The following NAE1 variants were observed in gnomAD, a reference collection of about 807,000 sequenced individuals.
NAE1 encodes NEDD8 activating enzyme E1 subunit 1.
A neutral mutation model predicts 88.0 loss-of-function variants in NAE1; 59 were observed. That is an observed-to-expected ratio of 0.67 (90% CI 0.54 to 0.83). The LOEUF (loss-of-function observed/expected upper bound fraction) is 0.83, where lower values mean the gene tolerates loss of function less well. Ranked by LOEUF, NAE1 falls within the 40% of genes least tolerant of loss-of-function variation. The pLI is 0.00. For synonymous variants in NAE1, 186 were observed against 208.9 expected, an observed-to-expected ratio of 0.89 and a Z score of 0.95; for missense variants, 554 against 632.8, an observed-to-expected ratio of 0.88 and a Z score of 1.34.
At chr16:66,805,484 G>A (rs1335410695) in intron 19 of NAE1, 2 of 309,734 alleles carry the variant, frequency 6.5e-6, no homozygotes, top group Non-Finnish European at 1.2e-5. Context: ...ACAAAAAATT[G>A]AAAAATTAGC....
At chr16:66,827,852 TTTTTTG>T (rs1239641019) in intron 1 of NAE1, 20 of 736,758 alleles carry the variant, frequency 2.7e-5, no homozygotes, top group Admixed American at 5.2e-5. Context: ...AACTGCCTTG[TTTTTTG>T]TTTTTGTTTT....
chr16:66,816,523 G>T, intron 11 of NAE1, 58 bp downstream of exon 11: 1 of 1,202,836 alleles, frequency 8.3e-7, no homozygotes, highest in Non-Finnish European at 1.2e-6. Context: ...CCATTTAATA[G>T]CCAAGGACTC....
chr16:66,805,006 G>A (rs1959507640), intron 19 of NAE1, among the ~76,000 whole-genome samples: 1 of 152,196 alleles, frequency 6.6e-6, no homozygotes, highest in South Asian at 2.1e-4. Context: ...CAAGGGGGAA[G>A]TAGAGTGAGG....
At position 66,828,363 on chromosome 16, in the gene NAE1, C is replaced by T. The variant is rs575184905; in HGVS notation, c.54-1583G>A. Among the ~76,000 whole-genome samples, 11 of 152,036 alleles carry T rather than the reference C, an allele frequency of 7.2e-5. No individual in the cohort carries two copies. The South Asian group carries it at 2.3e-3, about 32-fold the overall frequency. Reference sequence around the variant, plus strand: ...AAAATTAACCAGGCACAGTGGCACGCACCTATAATCCCAGCTACTAGGGAG... The same window carrying T: ...AAAATTAACCAGGCACAGTGGCACGTACCTATAATCCCAGCTACTAGGGAG... On this transcript the variant is annotated intron_variant, in intron 1 of 19. Transcript: ENST00000290810.
In NAE1 at chr16:66,821,565, T is replaced by TAAA; in HGVS notation, c.402-9_402-7dup. ...CTGCTAAGCGTAGTGAAGTGCTGTT[T>TAAA]AAAAAAAAAAAGCAAAATATGAACA... On this transcript the variant is annotated splice_region_variant and splice_polypyrimidine_tract_variant and intron_variant, in intron 6 of 19. Transcript: ENST00000290810. 1.6e-6 allele frequency: 2 copies of TAAA among 1,254,020 alleles called. No individual in the cohort carries two copies. The highest frequency in any genetic ancestry group is 2.1e-6 in the Non-Finnish European group (2 of 933,342). 77.7% of individuals were successfully genotyped at this position (1,254,020 alleles called of 1,614,324 possible). A position where few individuals can be genotyped will look rare whatever the true frequency, so the allele number is the denominator to read the frequency against.
At chr16:66,808,315 CT>C (rs1218018740) in intron 17 of NAE1, among the ~76,000 whole-genome samples, 1 of 152,160 alleles carries the variant, frequency 6.6e-6, no homozygotes, top group East Asian at 1.9e-4. Context: ...CAACATCCCC[CT>C]GTAATAGTTT....
chr16:66,809,193 A>G, intron 15 of NAE1, 118 bp from the exon 16 acceptor site: 1 of 640,100 alleles, frequency 1.6e-6, no homozygotes. Context: ...GAGAATGTGA[A>G]GAAATGTTTT....
intron 1 of NAE1, among the ~76,000 whole-genome samples, chr16:66,828,918 TGA>T (rs1960580129): frequency 1.3e-5 from 2 of 149,816 alleles, no homozygotes; most frequent in African/African-American, 4.9e-5. Flanking sequence ...GAGGCTGCAG[TGA>T]GCAGTGTTCT....
chr16:66,804,998 AG>A (rs1567485707), intron 19 of NAE1, among the ~76,000 whole-genome samples: 1 of 152,214 alleles, frequency 6.6e-6, no homozygotes, highest in Non-Finnish European at 1.5e-5. Context: ...GACTAAGACA[AG>A]GGGGAAGTAG....
Position 66,817,474 on chromosome 16 carries a change from G to C in NAE1, c.635C>G (p.Thr212Ser). Reference protein sequence around the residue: ...DHMEKKDHSHTPWIVIIAKYL... With the variant: ...DHMEKKDHSHSPWIVIIAKYL... ...TTTAGCTATGATCACAATCCATGGAGTATGACTGTGGTCCTAAAAATGAGA... is the reference window on the plus strand; with the variant it reads ...TTTAGCTATGATCACAATCCATGGACTATGACTGTGGTCCTAAAAATGAGA... Residue 212 changes from threonine (T) to serine (S), a missense_variant, in exon 9 of 20, where the codon ACT becomes AGT. Coordinates refer to ENST00000290810, the MANE Select transcript of NAE1 (RefSeq NM_003905.4). The C allele has an allele frequency of 1.9e-6, 3 of 1,583,980 alleles. No individual in the cohort carries two copies. The highest frequency in any genetic ancestry group is 2.6e-6 in the Non-Finnish European group (3 of 1,166,590).
chr16:66,814,592 CAA>C (rs34053542), intron 11 of NAE1, among the ~76,000 whole-genome samples: 14 of 113,228 alleles, frequency 1.2e-4, no homozygotes, highest in Admixed American at 1.9e-4. Context: ...GACCCTGTCT[CAA>C]AAAAAAAAAA....
intron 6 of NAE1, among the ~76,000 whole-genome samples, chr16:66,822,883 T>C (rs1423017483): frequency 1.3e-5 from 2 of 149,974 alleles, no homozygotes; most frequent in East Asian, 4.0e-4. Flanking sequence ...TTGGCCAGGA[T>C]GGTCTCAATC....
At chr16:66,815,929 G>T (rs1360780191) in intron 11 of NAE1, among the ~76,000 whole-genome samples, 4 of 151,992 alleles carry the variant, frequency 2.6e-5, no homozygotes, top group Non-Finnish European at 5.9e-5. Flanking sequence ...TCCCAAAAGT[G>T]TTGGGATTAC....
chr16:66,819,598 G>C (rs1386794830), intron 7 of NAE1, among the ~76,000 whole-genome samples: 1 of 152,118 alleles, frequency 6.6e-6, no homozygotes, highest in Non-Finnish European at 1.5e-5. Context: ...GGATTTTGTT[G>C]AGTTTTTGGT....
At chr16:66,820,794 G>A (rs954118176) in intron 7 of NAE1, among the ~76,000 whole-genome samples, 6 of 152,022 alleles carry the variant, frequency 3.9e-5, no homozygotes, top group East Asian at 1.9e-4. Flanking sequence ...CCAGCTACTC[G>A]GGAGGCTGAG....
intron 15 of NAE1, among the ~76,000 whole-genome samples, chr16:66,809,794 A>C (rs1039839144): frequency 6.6e-6 from 1 of 152,190 alleles, no homozygotes; most frequent in Non-Finnish European, 1.5e-5. Flanking sequence ...AAACTTCCAC[A>C]GGACGTAGGA....
At position 66,826,533 on chromosome 16, in the gene NAE1, C is replaced by A. The variant is rs1014792978; in HGVS notation, c.208G>T (p.Ala70Ser). 3 of 1,614,098 alleles carry A rather than the reference C, an allele frequency of 1.9e-6. No homozygotes were observed. The highest frequency in any genetic ancestry group is 2.5e-6 in the Non-Finnish European group (3 of 1,180,024). ...IDGNQVSGED[A>S]GNNFFLQRSS... ...GAGAATAGAACATACTTGTTTCCAG[C>A]ATCTTCTCCGCTGACCTGATTTCCA... Residue 70 changes from alanine to serine, a missense_variant, in exon 3 of 20, where the codon GCT becomes TCT. Ala to Ser is a moderately conservative substitution (Grantham distance 99). Transcript: ENST00000290810.
Position 66,826,773 on chromosome 16 carries a change from C to T in NAE1, c.61G>A (p.Gly21Ser), listed in dbSNP as rs889385720. 2 of 1,600,158 alleles carry T rather than the reference C, an allele frequency of 1.2e-6. No individual in the cohort carries two copies. Among genetic ancestry groups the T allele is most frequent in the South Asian group, 2.3e-5 (2 of 88,132 alleles). ...TCTAAAGCCTCTTGCCCATGATCAC[C>T]CCACAACCTACAAAACAGACACAAA... is the stretch of plus-strand genomic sequence containing the variant. ...QKYDRQLRLW[G>S]DHGQEALESA... is the part of the protein sequence containing the mutation. Residue 21 changes from glycine to serine, a missense_variant, in exon 2 of 20, where the codon GGT becomes AGT. Physicochemically the swap from Gly to Ser is moderately conservative, Grantham distance 56 (BLOSUM62 0). Transcript: ENST00000290810.
At chr16:66,825,342 A>G (rs1960424656) in intron 3 of NAE1, among the ~76,000 whole-genome samples, 1 of 151,776 alleles carries the variant, frequency 6.6e-6, no homozygotes, top group African/African-American at 2.4e-5. Context: ...AGCTACTCGG[A>G]AGGCTGAGGT....
Sources: allele counts gnomAD v4.1 joint callset (sites outside exome capture counted in the v4.1 genomes callset), GRCh38; gene constraint gnomAD v4.1.1; transcripts MANE v1.5; gene names NCBI Gene and HGNC (gene_info 2026-07-23, HGNC 2026-07-21).